CDH4: variants seen among roughly 807,000 people sequenced by gnomAD.
CDH4 encodes the protein cadherin 4, also known as cadherin-4.
In CDH4, 33 loss-of-function variants were observed where a neutral mutation model predicts 86.0. The ratio of observed to expected loss-of-function variants is 0.38; its 90% CI spans 0.29 to 0.51. The LOEUF is 0.51. CDH4 is among the 20% of genes least tolerant of loss of function. The pLI is 0.86. For synonymous variants in CDH4, 555 were observed against 549.4 expected (o/e 1.01, Z -0.14); for missense variants, 1,114 against 1,307.4 (o/e 0.85, Z 2.28).
At chr20:61,728,307 G>T (rs957643062) in intron 2 of CDH4, among the ~76,000 whole-genome samples, 1 of 152,232 alleles carries the variant, frequency 6.6e-6, no homozygotes, top group African/African-American at 2.4e-5. Flanking sequence ...CAAAAGCATA[G>T]GGTGGAAGGG....
rs765560956 is a variant in CDH4, at chr20:61,684,366, G to C, written c.170-59197G>C. Among the ~76,000 whole-genome samples, 1 of 152,212 alleles carries C rather than the reference G, an allele frequency of 6.6e-6. No homozygotes were observed. The highest frequency in any genetic ancestry group is 2.4e-5 in the African/African-American group (1 of 41,454). Reference sequence around the variant, plus strand: ...TAAGGAAGCAGCAAGCGCGGAGCACGTGGCCTCAACCTCCGTCTTGCTTAT... The same window carrying C: ...TAAGGAAGCAGCAAGCGCGGAGCACCTGGCCTCAACCTCCGTCTTGCTTAT... On this transcript the variant is annotated intron_variant, in intron 2 of 15. Transcript: ENST00000614565. This position sits in a 1 kb window ranked among gnomAD's most constrained non-coding sequence, Gnocchi z 4.5.
intron 2 of CDH4, among the ~76,000 whole-genome samples, chr20:61,330,425 G>A (rs4812305): frequency 0.55 from 84,037 of 152,052 alleles, 23,245 homozygotes; most frequent in East Asian, 0.68. Context: ...GCATGAGATG[G>A]TATCTCATTG....
chr20:61,577,454 T>A (rs2086390972), intron 2 of CDH4, among the ~76,000 whole-genome samples: 1 of 152,264 alleles, frequency 6.6e-6, no homozygotes, highest in Non-Finnish European at 1.5e-5. Context: ...TGTTGAAAGA[T>A]GATTGTATCT....
intron 2 of CDH4, among the ~76,000 whole-genome samples, chr20:61,387,163 C>T (rs1046464148): frequency 6.1e-5 from 9 of 148,692 alleles, no homozygotes; most frequent in Non-Finnish European, 7.4e-5. Flanking sequence ...CTCTAACCCC[C>T]CTAATATGAC....
intron 2 of CDH4, among the ~76,000 whole-genome samples, chr20:61,352,166 C>G (rs1290137229): frequency 1.3e-5 from 2 of 152,212 alleles, no homozygotes; most frequent in Non-Finnish European, 2.9e-5. Flanking sequence ...TTCCCAGCCT[C>G]TGGCCACCTT....
chr20:61,732,873 G>A (rs1457501890), intron 2 of CDH4, among the ~76,000 whole-genome samples: 1 of 152,236 alleles, frequency 6.6e-6, no homozygotes, highest in East Asian at 1.9e-4. Context: ...GTCTCAGGTA[G>A]TCTTGTTCCA....
chr20:61,735,569 C>A (rs984267004), intron 2 of CDH4, among the ~76,000 whole-genome samples: 3 of 152,160 alleles, frequency 2.0e-5, no homozygotes, highest in African/African-American at 7.2e-5. Flanking sequence ...CCACAGGGAC[C>A]CTGAGGTTCT....
At chr20:61,599,104 T>G (rs1484637849) in intron 2 of CDH4, among the ~76,000 whole-genome samples, 1 of 152,196 alleles carries the variant, frequency 6.6e-6, no homozygotes, top group Admixed American at 6.5e-5. Context: ...TTCAGGGACC[T>G]CCAATCCGCC....
At chr20:61,624,269 G>A (rs947506884) in intron 2 of CDH4, among the ~76,000 whole-genome samples, 5 of 152,222 alleles carry the variant, frequency 3.3e-5, no homozygotes, top group Non-Finnish European at 7.3e-5. Flanking sequence ...TACTGAGAGA[G>A]GTCTAAATAA....
chr20:61,601,536 C>T (rs757292317), intron 2 of CDH4, among the ~76,000 whole-genome samples: 5 of 152,238 alleles, frequency 3.3e-5, no homozygotes, highest in Non-Finnish European at 7.3e-5. Flanking sequence ...TAACCCTCGG[C>T]CCTGCTCTTC....
chr20:61,505,767 C>T (rs1327739221), intron 2 of CDH4, among the ~76,000 whole-genome samples: 7 of 151,566 alleles, frequency 4.6e-5, no homozygotes, highest in South Asian at 2.1e-4. Context: ...ACTCCCAGGA[C>T]GCTAATGTTC....
chr20:61,341,981 A>G (rs898466595), intron 2 of CDH4, among the ~76,000 whole-genome samples: 1 of 152,174 alleles, frequency 6.6e-6, no homozygotes, highest in African/African-American at 2.4e-5. Flanking sequence ...GGGATTCTGG[A>G]ACTCACAAAA....
intron 2 of CDH4, among the ~76,000 whole-genome samples, chr20:61,488,662 G>T (rs956737558): frequency 6.6e-6 from 1 of 152,176 alleles, no homozygotes; most frequent in Non-Finnish European, 1.5e-5. Context: ...AAAAAATGGG[G>T]CTCTGCAGCT....
intron 6 of CDH4, among the ~76,000 whole-genome samples, chr20:61,869,546 C>T (rs1034479914): frequency 6.6e-6 from 1 of 152,186 alleles, no homozygotes; most frequent in Non-Finnish European, 1.5e-5. Context: ...ATTCAGTTTC[C>T]CCATCTGTCA....
intron 2 of CDH4, among the ~76,000 whole-genome samples, chr20:61,356,408 C>T (rs1332573749): frequency 6.6e-6 from 1 of 152,202 alleles, no homozygotes; most frequent in Non-Finnish European, 1.5e-5. Context: ...CCCAGCTCAG[C>T]CAGCAGCCCT....
At chr20:61,644,393 C>G (rs2087040386) in intron 2 of CDH4, among the ~76,000 whole-genome samples, 1 of 152,236 alleles carries the variant, frequency 6.6e-6, no homozygotes, top group Non-Finnish European at 1.5e-5. Context: ...AGCAGAGGCT[C>G]AAAGCCAAGG....
chr20:61,936,351 CCCCTTCCCCACA>C (rs1474283999), intron 15 of CDH4, among the ~76,000 whole-genome samples: 22 of 12,240 alleles, frequency 1.8e-3, no homozygotes, highest in Admixed American at 6.7e-3. Flanking sequence ...TTCCCCCACA[CCCCTTCCCCACA>C]CCCCCTCCCC....
intron 2 of CDH4, among the ~76,000 whole-genome samples, chr20:61,325,659 G>T (rs1291413807): frequency 6.6e-6 from 1 of 151,890 alleles, no homozygotes; most frequent in Non-Finnish European, 1.5e-5. Flanking sequence ...ACTTGGGGGG[G>T]CCACAGCAAA....
chr20:61,601,467 C>T (rs932975525), intron 2 of CDH4, among the ~76,000 whole-genome samples: 4 of 152,326 alleles, frequency 2.6e-5, no homozygotes, highest in Admixed American at 2.6e-4. Flanking sequence ...CTGCAGATCT[C>T]CGGAGTCACC....
Sources: gnomAD v4.1 joint callset for allele counts (sites outside exome capture counted in the v4.1 genomes callset) on GRCh38, gnomAD v4.1.1 for gene constraint, Gnocchi (gnomAD v3.1) non-coding constraint, MANE v1.5 for transcripts, NCBI Gene and HGNC (gene_info 2026-07-23, HGNC 2026-07-21) for gene names.